The following SMURF1 variants were observed in gnomAD, a reference collection of about 807,000 sequenced individuals.
The protein encoded by SMURF1 is SMAD specific E3 ubiquitin protein ligase 1, also known as E3 ubiquitin-protein ligase SMURF1.
Under a neutral mutation model 98.0 loss-of-function variants are expected in SMURF1, and 44 were observed. The ratio of observed to expected loss-of-function variants is 0.45; its 90% CI spans 0.35 to 0.58. The LOEUF is 0.58. Among genes scored for constraint, SMURF1 ranks in the 20% least tolerant of loss-of-function variants. SMURF1 has a pLI of 0.00. For missense variants in SMURF1, 687 were observed against 938.4 expected (o/e 0.73, Z 3.50); for synonymous variants, 396 against 374.9 (o/e 1.06, Z -0.65).
chr7:99,063,237 TTATTTATATATATATATATATATATATA>T (rs1796082289), intron 1 of SMURF1, among the ~76,000 whole-genome samples: 4 of 76,922 alleles, frequency 5.2e-5, no homozygotes, highest in African/African-American at 2.1e-4. Flanking sequence ...TATATAAGAT[TTATTTATATATATATATATATATATATA>T]TATATATATA....
intron 1 of SMURF1, among the ~76,000 whole-genome samples, chr7:99,104,117 C>T (rs1797146686): frequency 6.6e-6 from 1 of 152,094 alleles, no homozygotes; most frequent in African/African-American, 2.4e-5. Context: ...GAACTCCTGA[C>T]CTCAAGTGAT....
At chr7:99,033,243 C>T (rs1404773732) in intron 16 of SMURF1, 122 bp from the exon 17 acceptor site, 11 of 936,004 alleles carry the variant, frequency 1.2e-5, no homozygotes, top group Non-Finnish European at 1.6e-5. Context: ...GCAGGCTGTC[C>T]TGTGAGAGGG....
intron 1 of SMURF1, among the ~76,000 whole-genome samples, chr7:99,070,913 T>C (rs1035848942): frequency 1.3e-5 from 2 of 152,174 alleles, no homozygotes; most frequent in Non-Finnish European, 2.9e-5. Flanking sequence ...CTTTGCACAC[T>C]ACTGCCTGGA....
intron 1 of SMURF1, among the ~76,000 whole-genome samples, chr7:99,079,566 T>C (rs1325470518): frequency 1.3e-5 from 2 of 152,196 alleles, no homozygotes; most frequent in Non-Finnish European, 2.9e-5. Context: ...ACATGGAATT[T>C]AGAAAAGCTA....
At chr7:99,080,580 T>C (rs1159549482) in intron 1 of SMURF1, among the ~76,000 whole-genome samples, 1 of 152,198 alleles carries the variant, frequency 6.6e-6, no homozygotes, top group Non-Finnish European at 1.5e-5. Context: ...ATTACAGGCG[T>C]GAGCCACCAC....
At chr7:99,114,286 C>A (rs1345590460) in intron 1 of SMURF1, among the ~76,000 whole-genome samples, 2 of 151,856 alleles carry the variant, frequency 1.3e-5, no homozygotes, top group African/African-American at 2.4e-5. Context: ...CTTTTAGATC[C>A]AATTACACAA....
chr7:99,099,668 G>T (rs759996848), intron 1 of SMURF1, among the ~76,000 whole-genome samples: 3 of 152,152 alleles, frequency 2.0e-5, no homozygotes, highest in Non-Finnish European at 4.4e-5. Context: ...GAGCTCTCAT[G>T]AATAGATTAA....
At chr7:99,048,588 G>A (rs1335135077) in intron 9 of SMURF1, 1 of 152,344 alleles carries the variant, frequency 6.6e-6, no homozygotes, top group African/African-American at 2.4e-5. Flanking sequence ...TAACAGTGGA[G>A]AACTCAAATG....
intron 1 of SMURF1, among the ~76,000 whole-genome samples, chr7:99,111,179 G>T (rs1257830900): frequency 1.3e-5 from 2 of 152,024 alleles, no homozygotes; most frequent in African/African-American, 4.8e-5. Flanking sequence ...CAAGAATAAT[G>T]GAATAAAGGT....
intron 1 of SMURF1, among the ~76,000 whole-genome samples, chr7:99,114,170 A>G (rs1797390330): frequency 6.6e-6 from 1 of 152,200 alleles, no homozygotes; most frequent in Non-Finnish European, 1.5e-5. Flanking sequence ...TAAGATGTTA[A>G]TTGTAAACCA....
At chr7:99,098,809 C>G (rs919951399) in intron 1 of SMURF1, among the ~76,000 whole-genome samples, 2 of 152,174 alleles carry the variant, frequency 1.3e-5, no homozygotes, top group Non-Finnish European at 2.9e-5. Context: ...CATCTTCCCT[C>G]CTCATTAAAT....
intron 11 of SMURF1, among the ~76,000 whole-genome samples, chr7:99,045,232 C>A (rs1177611069): frequency 6.6e-6 from 1 of 152,094 alleles, no homozygotes; most frequent in Non-Finnish European, 1.5e-5. Context: ...TTTTTAATAT[C>A]ATTTTCTTGA....
At chr7:99,071,882 CT>C (rs1796332211) in intron 1 of SMURF1, among the ~76,000 whole-genome samples, 1 of 151,720 alleles carries the variant, frequency 6.6e-6, no homozygotes, top group Non-Finnish European at 1.5e-5. Flanking sequence ...GAGACCACCC[CT>C]GAGCAACGTA....
chr7:99,097,267 C>CA (rs1486391588), intron 1 of SMURF1, among the ~76,000 whole-genome samples: 1 of 151,970 alleles, frequency 6.6e-6, no homozygotes, highest in African/African-American at 2.4e-5. Context: ...CACTGAGTAC[C>CA]AAAAAGAGGG....
At chr7:99,084,832 A>G (rs1399650015) in intron 1 of SMURF1, among the ~76,000 whole-genome samples, 9 of 152,144 alleles carry the variant, frequency 5.9e-5, no homozygotes, top group Non-Finnish European at 1.2e-4. Flanking sequence ...GTCAAATTGT[A>G]ATCCCCAGTG....
rs1369557987 is a variant in SMURF1, at chr7:99,049,545, A to G, written c.953+18T>C. Reference sequence around the variant, plus strand: ...TACCAATGAAAGAGGTCAGCAAAAAATATTTTTAAAGTCTTACTTCATGAT... The same window carrying G: ...TACCAATGAAAGAGGTCAGCAAAAAGTATTTTTAAAGTCTTACTTCATGAT... On this transcript the variant is annotated intron_variant, in intron 9 of 17. Transcript: ENST00000361368. 1 of 1,607,586 alleles carries G rather than the reference A, an allele frequency of 6.2e-7. No homozygotes were observed. Among genetic ancestry groups the G allele is most frequent in the Non-Finnish European group, 8.5e-7 (1 of 1,177,522 alleles).
chr7:99,133,272 A>T (rs1797912696), intron 1 of SMURF1, among the ~76,000 whole-genome samples: 1 of 152,092 alleles, frequency 6.6e-6, no homozygotes, highest in Non-Finnish European at 1.5e-5. Flanking sequence ...CCTGGTTTTG[A>T]CATGCCACAG....
intron 1 of SMURF1, among the ~76,000 whole-genome samples, chr7:99,136,062 G>T (rs1295010644): frequency 1.3e-5 from 2 of 152,120 alleles, no homozygotes; most frequent in South Asian, 2.1e-4. Flanking sequence ...AGGGCACAGC[G>T]GCATATACTT....
At chr7:99,116,335 G>C (rs891879953) in intron 1 of SMURF1, among the ~76,000 whole-genome samples, 2 of 152,034 alleles carry the variant, frequency 1.3e-5, no homozygotes, top group Non-Finnish European at 2.9e-5. Context: ...ACTGGTGAAA[G>C]ACCAAATGGC....
Sources: gnomAD v4.1 joint callset for allele counts (sites outside exome capture counted in the v4.1 genomes callset) on GRCh38, gnomAD v4.1.1 for gene constraint, MANE v1.5 for transcripts, NCBI Gene and HGNC (gene_info 2026-07-23, HGNC 2026-07-21) for gene names.